The following KPNA1 variants were observed in gnomAD, a reference collection of about 807,000 sequenced individuals.
The protein encoded by KPNA1 is karyopherin subunit alpha 1.
A neutral mutation model predicts 70.5 loss-of-function variants in KPNA1; 10 were observed. The observed-to-expected ratio is 0.14, with a 90% CI of 0.09 to 0.24. The LOEUF (loss-of-function observed/expected upper bound fraction) is 0.24. Among genes scored for constraint, KPNA1 ranks in the 10% least tolerant of loss-of-function variants. The probability of loss-of-function intolerance (pLI) is 1.00; values close to 1 mark genes in which losing one functional copy is unlikely to be tolerated. For synonymous variants in KPNA1, 192 were observed against 221.9 expected (o/e 0.87, Z 1.20); for missense variants, 397 against 637.9 (o/e 0.62, Z 4.07).
At chr3:122,452,681 AGGAGGGAG>A (rs1363860571) in intron 6 of KPNA1, among the ~76,000 whole-genome samples, 2 of 81,502 alleles carry the variant, frequency 2.5e-5, no homozygotes, top group African/African-American at 9.9e-5. Flanking sequence ...GAAGGAGGGA[AGGAGGGAG>A]GGAGGGAGAG....
Position 122,422,283 on chromosome 3 carries a change from T to G in KPNA1, c.*4702A>C, listed in dbSNP as rs1008130611. 9 of 147,462 alleles carry G rather than the reference T, an allele frequency of 6.1e-5. No individual in the cohort carries two copies. The highest frequency in any genetic ancestry group is 2.2e-4 in the African/African-American group (9 of 40,926). 9.1% of individuals were successfully genotyped at this position (147,462 alleles called of 1,614,324 possible). Reference sequence around the variant, plus strand: ...CCTTCCGTGTCAATACTTTCCACATTTGTGCGTTTGAATGGATCCATGTGT... The same window carrying G: ...CCTTCCGTGTCAATACTTTCCACATGTGTGCGTTTGAATGGATCCATGTGT... On this transcript the variant is annotated 3_prime_UTR_variant, in exon 14 of 14. Coordinates refer to ENST00000344337, the MANE Select transcript of KPNA1 (RefSeq NM_002264.4).
intron 1 of KPNA1, among the ~76,000 whole-genome samples, chr3:122,502,314 TG>T (rs919179716): frequency 2.6e-5 from 4 of 152,302 alleles, no homozygotes; most frequent in African/African-American, 9.6e-5. Flanking sequence ...CAGTGTGACT[TG>T]TATTTTGTTA....
At chr3:122,451,860 TA>T in intron 7 of KPNA1, 115 bp downstream of exon 7, 2 of 753,310 alleles carry the variant, frequency 2.7e-6, no homozygotes, top group Non-Finnish European at 4.4e-6. Context: ...TATCTGGAAT[TA>T]AAAATAACAC....
chr3:122,451,086 C>G (rs2076197251), intron 8 of KPNA1, among the ~76,000 whole-genome samples: 1 of 151,936 alleles, frequency 6.6e-6, no homozygotes, highest in Non-Finnish European at 1.5e-5. Context: ...TCTCAGAAAT[C>G]ACCACTAAAC....
chr3:122,471,653 C>A (rs1247643859), intron 2 of KPNA1, among the ~76,000 whole-genome samples: 1 of 152,056 alleles, frequency 6.6e-6, no homozygotes, highest in Non-Finnish European at 1.5e-5. Flanking sequence ...ACGAGCCTGG[C>A]CAACATAGCA....
intron 9 of KPNA1, among the ~76,000 whole-genome samples, chr3:122,445,607 AT>A (rs1431873829): frequency 6.6e-6 from 1 of 152,238 alleles, no homozygotes; most frequent in Non-Finnish European, 1.5e-5. Context: ...AAGAAACTGC[AT>A]CAGTTAACGG....
At chr3:122,429,966 G>C (rs2075879041) in intron 12 of KPNA1, among the ~76,000 whole-genome samples, 1 of 151,630 alleles carries the variant, frequency 6.6e-6, no homozygotes, top group Non-Finnish European at 1.5e-5. Context: ...ATTCATTCAT[G>C]TATGTCTGAC....
intron 1 of KPNA1, among the ~76,000 whole-genome samples, chr3:122,498,830 G>C (rs2076792359): frequency 6.6e-6 from 1 of 152,182 alleles, no homozygotes; most frequent in Non-Finnish European, 1.5e-5. Context: ...ACTGTCTGTA[G>C]ATCAGTTTGG....
intron 2 of KPNA1, among the ~76,000 whole-genome samples, chr3:122,493,472 G>A (rs370080007): frequency 6.6e-6 from 1 of 152,120 alleles, no homozygotes; most frequent in Non-Finnish European, 1.5e-5. Context: ...CCTATGGAGG[G>A]ATATACTGTT....
At position 122,509,098 on chromosome 3, in the gene KPNA1, T is replaced by G. The variant is rs573461398; in HGVS notation, c.-6+5659A>C. On this transcript the variant is annotated intron_variant, in intron 1 of 13. Transcript: ENST00000344337. ...CCGTATCTACTAAAAATACAAAAATTAGCCAGGCGTAGTGGCGGGCCCCTG... is the reference window on the plus strand; with the variant it reads ...CCGTATCTACTAAAAATACAAAAATGAGCCAGGCGTAGTGGCGGGCCCCTG... Among the ~76,000 whole-genome samples, 3 of 151,998 alleles carry G rather than the reference T, an allele frequency of 2.0e-5. No homozygotes were observed. In the South Asian group the frequency reaches 6.2e-4, roughly 32 times the overall value.
chr3:122,506,940 A>G (rs2076896682), intron 1 of KPNA1, among the ~76,000 whole-genome samples: 1 of 152,226 alleles, frequency 6.6e-6, no homozygotes, highest in Non-Finnish European at 1.5e-5. Context: ...CAAAACTAGT[A>G]GTATGTGTAA....
At chr3:122,452,604 A>C (rs1338481609) in intron 6 of KPNA1, among the ~76,000 whole-genome samples, 2 of 76,606 alleles carry the variant, frequency 2.6e-5, no homozygotes, top group African/African-American at 5.3e-5. Flanking sequence ...GAAGGAAGGA[A>C]GGAAGGGAGG....
intron 2 of KPNA1, 89 bp downstream of exon 2, chr3:122,496,348 A>ACACC (rs958829617): frequency 1.0e-5 from 12 of 1,193,664 alleles, no homozygotes; most frequent in South Asian, 4.0e-5. Context: ...ACACACACAC[A>ACACC]CCCCAACTTT....
At chr3:122,510,129 G>A (rs1576354800) in intron 1 of KPNA1, among the ~76,000 whole-genome samples, 1 of 152,278 alleles carries the variant, frequency 6.6e-6, no homozygotes, top group East Asian at 1.9e-4. Context: ...ACAAATTACT[G>A]ATCAAATGCG....
intron 13 of KPNA1, 105 bp downstream of exon 13, chr3:122,427,433 C>T: frequency 8.6e-7 from 1 of 1,156,926 alleles, no homozygotes. Context: ...TCCTAACAGT[C>T]CTCTTTTCAT....
At position 122,446,115 on chromosome 3, in the gene KPNA1, C is replaced by A. The variant is rs1044020779; in HGVS notation, c.917+3459G>T. ...ACTGTCAATATTAGACAGATCAACACGACAGAAGGTTAACAAGGATATCCA... is the reference window on the plus strand; with the variant it reads ...ACTGTCAATATTAGACAGATCAACAAGACAGAAGGTTAACAAGGATATCCA... On this transcript the variant is annotated intron_variant, in intron 9 of 13. Transcript: ENST00000344337. 5.9e-5 allele frequency among the ~76,000 whole-genome samples: 9 copies of A among 152,176 alleles called. No individual in the cohort carries two copies. In the East Asian group the frequency reaches 7.7e-4, roughly 13 times the overall value.
chr3:122,454,074 TC>T, intron 5 of KPNA1, 73 bp from the exon 6 acceptor site: 1 of 1,024,236 alleles, frequency 9.8e-7, no homozygotes, highest in Non-Finnish European at 1.4e-6. Flanking sequence ...AGTAACATTT[TC>T]TGTACATGAA....
intron 2 of KPNA1, among the ~76,000 whole-genome samples, chr3:122,474,737 T>A (rs1205665300): frequency 6.6e-6 from 1 of 152,082 alleles, no homozygotes. Flanking sequence ...GTGAATCACA[T>A]TAACAGAATG....
intron 9 of KPNA1, among the ~76,000 whole-genome samples, chr3:122,445,595 G>C (rs2076126634): frequency 6.6e-6 from 1 of 152,108 alleles, no homozygotes; most frequent in African/African-American, 2.4e-5. Flanking sequence ...ATCAATGCTG[G>C]GAAGAAACTG....
Sources: allele counts gnomAD v4.1 joint callset (sites outside exome capture counted in the v4.1 genomes callset), GRCh38; gene constraint gnomAD v4.1.1; transcripts MANE v1.5; gene names NCBI Gene and HGNC (gene_info 2026-07-23, HGNC 2026-07-21).